The following PARP9 variants were observed in gnomAD, a reference collection of about 807,000 sequenced individuals.
PARP9 encodes poly(ADP-ribose) polymerase family member 9, also known as protein mono-ADP-ribosyltransferase PARP9.
A neutral mutation model predicts 68.8 loss-of-function variants in PARP9; 48 were observed. The ratio of observed to expected loss-of-function variants is 0.70; its 90% confidence interval spans 0.55 to 0.89. PARP9 has a LOEUF of 0.89. Among genes scored for constraint, PARP9 ranks in the 40% least tolerant of loss-of-function variants. PARP9 has a pLI of 0.00. For synonymous variants in PARP9, 309 were observed against 333.8 expected (o/e 0.93, Z 0.81); for missense variants, 806 against 969.3 (o/e 0.83, Z 2.24).
At chr3:122,540,220 A>G (rs568139445) in intron 8 of PARP9, among the ~76,000 whole-genome samples, 61 of 152,332 alleles carry the variant, frequency 4.0e-4, no homozygotes, top group Middle Eastern at 3.4e-3. Context: ...ATTCCATGTA[A>G]TTGCCTCTTA....
chr3:122,540,932 A>C (rs1440773213), intron 7 of PARP9, 80 bp from the exon 8 acceptor site: 56 of 1,450,252 alleles, frequency 3.9e-5, no homozygotes, highest in Non-Finnish European at 4.9e-5. Flanking sequence ...GCTCTGTCTC[A>C]CAAGCTGGAG....
At chr3:122,549,082 T>C (rs936490939) in intron 6 of PARP9, among the ~76,000 whole-genome samples, 1 of 151,898 alleles carries the variant, frequency 6.6e-6, no homozygotes, top group Non-Finnish European at 1.5e-5. Flanking sequence ...TGGTGCGATC[T>C]CAGCTCACTC....
At chr3:122,558,219 G>A (rs1009000541) in intron 3 of PARP9, 8 of 1,324,246 alleles carry the variant, frequency 6.0e-6, no homozygotes, top group East Asian at 2.3e-5. Flanking sequence ...TCACATTTAC[G>A]GGCAAAGGAG....
At chr3:122,549,558 A>G (rs1270478850) in intron 6 of PARP9, among the ~76,000 whole-genome samples, 3 of 152,180 alleles carry the variant, frequency 2.0e-5, no homozygotes, top group African/African-American at 4.8e-5. Context: ...AGATGGGAAG[A>G]TCACTTGAGC....
chr3:122,547,930 G>A (rs755493216), intron 6 of PARP9, among the ~76,000 whole-genome samples: 3 of 152,166 alleles, frequency 2.0e-5, no homozygotes, highest in African/African-American at 7.2e-5. Context: ...ATAATCCTCT[G>A]CATGGGAAAC....
At chr3:122,542,917 A>T (rs2078368597) in intron 7 of PARP9, among the ~76,000 whole-genome samples, 1 of 151,728 alleles carries the variant, frequency 6.6e-6, no homozygotes, top group African/African-American at 2.4e-5. Flanking sequence ...TTATCTATTT[A>T]TTTTTTTGAG....
At chr3:122,537,409 C>T (rs2077732025) in intron 8 of PARP9, among the ~76,000 whole-genome samples, 1 of 152,144 alleles carries the variant, frequency 6.6e-6, no homozygotes, top group Non-Finnish European at 1.5e-5. Context: ...GCCCCAATGC[C>T]TATCAGCAAA....
chr3:122,564,093 AAC>A (rs781249580), intron 1 of PARP9, 150 bp downstream of exon 1: 13 of 312,346 alleles, frequency 4.2e-5, no homozygotes, highest in Non-Finnish European at 7.1e-5. Context: ...AAGAATAAGA[AAC>A]ACAGGAGAAA....
chr3:122,535,530 G>C (rs560515191), intron 10 of PARP9: 2 of 985,370 alleles, frequency 2.0e-6, no homozygotes, highest in Admixed American at 1.2e-4. Flanking sequence ...CTTTTGGAGA[G>C]AACTAAAGCC....
In PARP9 at chr3:122,528,604, A is replaced by G; in HGVS notation, c.2220T>C (p.His740=). ...GTGGTGGGGGAACAATATTTAACGG[A>G]TGTCCCTGGCAGAAGAAGCCTGTGA... ...EVLTGFFCQG[H]PLNIVPPPLS... is the part of the protein sequence containing the mutation. Residue 740 remains histidine (H), a synonymous_variant, in exon 11 of 11, where the codon CAT becomes CAC. Transcript: ENST00000682323. The G allele has an allele frequency of 6.2e-7, 1 of 1,614,206 alleles. No homozygotes were observed. The highest frequency in any genetic ancestry group is 8.5e-7 in the Non-Finnish European group (1 of 1,180,034).
In PARP9 at chr3:122,542,447, C is replaced by T. The variant is rs2078318955; in HGVS notation, c.1385-1595G>A. 2.0e-5 allele frequency among the ~76,000 whole-genome samples: 3 copies of T among 151,778 alleles called. No individual in the cohort carries two copies. In the South Asian group the frequency reaches 6.2e-4, roughly 32 times the overall value. On this transcript the variant is annotated intron_variant, in intron 7 of 10. Transcript: ENST00000682323. ...TTTGAGACAGAGTCTCGCTCTGTTG[C>T]CCAGGCTGGAGTGCAGTGGTGCAAT...
At chr3:122,562,931 G>A (rs1454344315) in intron 1 of PARP9, among the ~76,000 whole-genome samples, 1 of 152,150 alleles carries the variant, frequency 6.6e-6, no homozygotes, top group African/African-American at 2.4e-5. Flanking sequence ...TCACACAGGG[G>A]CTAATATATC....
At position 122,540,477 on chromosome 3, in the gene PARP9, G is replaced by A. The variant is rs148173395; in HGVS notation, c.1760C>T (p.Ser587Leu). 407 of 1,612,036 alleles carry A rather than the reference G, an allele frequency of 2.5e-4. 4 individuals are homozygous for A. The South Asian group carries it at 3.2e-3, about 13-fold the overall frequency. The change falls in exon 8 of 11, where the codon TCG becomes TTG. Residue 587 changes from serine to leucine, a missense_variant. Ser to Leu is a moderately radical substitution (Grantham distance 145). Coordinates refer to ENST00000682323, the MANE Select transcript of PARP9 (RefSeq NM_001146105.2). ...TTTGATAGAAAGTTACTCACCTAAC[G>A]AGCGCCAAAGGCCTCGCTCCTTTTT... ...ARKKERGLWR[S>L]LGQWTIQQQK...
Position 122,528,445 on chromosome 3 carries a change from T to C in PARP9, c.2379A>G (p.Ser793=), listed in dbSNP as rs751202686. The stretch of plus-strand genomic sequence containing the variant: ...TCATTGGTCCTGATGAGTAATCTTG[T>C]GACTGTACATATTCCTGGGTGCATG... ...LWTCTQEYVQ[S]QDYSSGPMRP... Residue 793 remains serine, a synonymous_variant, in exon 11 of 11, where the codon TCA becomes TCG. Coordinates refer to ENST00000682323, the MANE Select transcript of PARP9 (RefSeq NM_001146105.2). 2 of 1,614,252 alleles carry C rather than the reference T, an allele frequency of 1.2e-6. No individual in the cohort carries two copies. Among genetic ancestry groups the C allele is most frequent in the Non-Finnish European group, 1.7e-6 (2 of 1,180,042 alleles).
intron 10 of PARP9, among the ~76,000 whole-genome samples, chr3:122,529,428 A>G (rs767984895): frequency 6.6e-6 from 1 of 151,980 alleles, no homozygotes. Flanking sequence ...AGAGCATAAC[A>G]AAAGGAAGGT....
At chr3:122,564,588 C>T (rs770773228), upstream of PARP9, 108 of 1,600,202 alleles carry the variant, frequency 6.7e-5, no homozygotes, top group Non-Finnish European at 9.1e-5. Flanking sequence ...CGGGCACCTT[C>T]CGGGTGGAGT....
intron 10 of PARP9, among the ~76,000 whole-genome samples, chr3:122,531,327 A>C (rs931885414): frequency 6.6e-6 from 1 of 152,270 alleles, no homozygotes; most frequent in African/African-American, 2.4e-5. Context: ...TTTTGAGATA[A>C]AAATCAAAGA....
chr3:122,545,351 C>T, intron 7 of PARP9, 81 bp downstream of exon 7: 1 of 1,416,644 alleles, frequency 7.1e-7, no homozygotes, highest in Non-Finnish European at 1.0e-6. Context: ...TTCTTCTCCC[C>T]TCCGTTAGTT....
At chr3:122,531,453 T>C (rs1035910481) in intron 10 of PARP9, among the ~76,000 whole-genome samples, 2 of 152,188 alleles carry the variant, frequency 1.3e-5, no homozygotes, top group African/African-American at 4.8e-5. Context: ...TATAAATATA[T>C]GTATAGTTTT....
Sources: gnomAD v4.1 joint callset for allele counts (sites outside exome capture counted in the v4.1 genomes callset) on GRCh38, gnomAD v4.1.1 for gene constraint, MANE v1.5 for transcripts, NCBI Gene and HGNC (gene_info 2026-07-23, HGNC 2026-07-21) for gene names.